The following CNTNAP2 variants were observed in gnomAD, a reference collection of about 807,000 sequenced individuals.
CNTNAP2 encodes the protein contactin-associated protein-like 2.
In CNTNAP2, 98 loss-of-function variants were observed where a neutral mutation model predicts 155.2. The observed-to-expected ratio is 0.63, with a 90% CI of 0.54 to 0.75. CNTNAP2 has a LOEUF of 0.75. Ranked by LOEUF, CNTNAP2 falls within the 30% of genes least tolerant of loss-of-function variation. The pLI, the probability that CNTNAP2 is intolerant of heterozygous loss-of-function variation, is 0.00. For synonymous variants in CNTNAP2, 651 were observed against 631.2 expected (o/e 1.03, Z -0.47); for missense variants, 1,727 against 1,688.1 (o/e 1.02, Z -0.40).
chr7:147,940,804 C>T (rs2116814589), intron 14 of CNTNAP2, among the ~76,000 whole-genome samples: 1 of 152,294 alleles, frequency 6.6e-6, no homozygotes, highest in East Asian at 1.9e-4. Flanking sequence ...ACCAAAAGTG[C>T]TGGAATTACA....
At chr7:147,328,982 G>A (rs760271023) in intron 9 of CNTNAP2, among the ~76,000 whole-genome samples, 40 of 152,126 alleles carry the variant, frequency 2.6e-4, no homozygotes, top group Non-Finnish European at 4.4e-4. Flanking sequence ...CACAGACCAA[G>A]AGGAAAGGTG....
intron 9 of CNTNAP2, among the ~76,000 whole-genome samples, chr7:147,319,825 T>G (rs1254764627): frequency 6.6e-6 from 1 of 152,186 alleles, no homozygotes; most frequent in Non-Finnish European, 1.5e-5. Flanking sequence ...CGATTTAAAC[T>G]GGATGAAGGG....
intron 1 of CNTNAP2, among the ~76,000 whole-genome samples, chr7:146,151,686 A>G (rs1231457899): frequency 2.4e-4 from 13 of 54,668 alleles, no homozygotes; most frequent in South Asian, 5.2e-4. Context: ...ATATATGTAT[A>G]TATATATATA....
At chr7:147,682,275 C>CTAATTAGAATATGCAAA (rs1795957259) in intron 13 of CNTNAP2, among the ~76,000 whole-genome samples, 1 of 151,788 alleles carries the variant, frequency 6.6e-6, no homozygotes, top group Non-Finnish European at 1.5e-5. Flanking sequence ...TAATAAACTG[C>CTAATTAGAATATGCAAA]TAATTAGAAT....
At chr7:147,381,441 G>A (rs550745603) in intron 9 of CNTNAP2, among the ~76,000 whole-genome samples, 30 of 152,150 alleles carry the variant, frequency 2.0e-4, no homozygotes, top group Middle Eastern at 3.4e-3. Context: ...TGTATCTGCC[G>A]ATGTTTTAGA....
At chr7:147,608,662 C>A (rs1488561465) in intron 12 of CNTNAP2, among the ~76,000 whole-genome samples, 1 of 152,116 alleles carries the variant, frequency 6.6e-6, no homozygotes, top group Non-Finnish European at 1.5e-5. Flanking sequence ...TGAGAGATAT[C>A]TGTTGGAAAA....
intron 11 of CNTNAP2, among the ~76,000 whole-genome samples, chr7:147,531,472 A>G (rs1459434995): frequency 6.6e-6 from 1 of 152,144 alleles, no homozygotes; most frequent in African/African-American, 2.4e-5. Context: ...CAGGCTCAAC[A>G]CCACATGGAA....
intron 21 of CNTNAP2, among the ~76,000 whole-genome samples, chr7:148,347,483 G>T (rs368015929): frequency 2.6e-5 from 4 of 152,162 alleles, no homozygotes; most frequent in South Asian, 4.2e-4. Flanking sequence ...CCCCCCATCG[G>T]TGTCACCTAA....
At chr7:147,374,339 C>A (rs1340908799) in intron 9 of CNTNAP2, among the ~76,000 whole-genome samples, 1 of 151,770 alleles carries the variant, frequency 6.6e-6, no homozygotes, top group East Asian at 1.9e-4. Flanking sequence ...TCACTGTTAC[C>A]AGTAAAAAGT....
chr7:147,311,052 CAAGGAT>C (rs1354400297), intron 9 of CNTNAP2, among the ~76,000 whole-genome samples: 1 of 152,162 alleles, frequency 6.6e-6, no homozygotes, highest in African/African-American at 2.4e-5. Context: ...GGTCAGGTAT[CAAGGAT>C]GATGAGATAC....
chr7:146,655,131 A>G (rs1292228309), intron 1 of CNTNAP2, among the ~76,000 whole-genome samples: 1 of 152,070 alleles, frequency 6.6e-6, no homozygotes, highest in Non-Finnish European at 1.5e-5. Context: ...TTCTCTGAAT[A>G]TGTCACATTT....
intron 1 of CNTNAP2, among the ~76,000 whole-genome samples, chr7:146,685,134 A>C (rs1563187838): frequency 6.6e-6 from 1 of 152,192 alleles, no homozygotes; most frequent in East Asian, 1.9e-4. Context: ...TAGGGATTAC[A>C]CATCTAGATA....
rs532569128 is a variant in CNTNAP2 at position 147,120,319 on chromosome 7, C to T, written c.755-660C>T. On this transcript the variant is annotated intron_variant, in intron 5 of 23. Coordinates refer to ENST00000361727, the MANE Select transcript of CNTNAP2 (RefSeq NM_014141.6). Reference sequence around the variant, plus strand: ...TGAATCCTCATGCAACCTTACAAAGCAGGTACTATTATCTTCCCTATTGTA... The same window carrying T: ...TGAATCCTCATGCAACCTTACAAAGTAGGTACTATTATCTTCCCTATTGTA... Among the ~76,000 whole-genome samples the T allele has an allele frequency of 3.3e-5, 5 of 152,242 alleles. No homozygotes were observed. The South Asian group carries it at 1.0e-3, about 32-fold the overall frequency.
chr7:148,299,054 G>A (rs946404265), intron 21 of CNTNAP2, among the ~76,000 whole-genome samples: 1 of 150,658 alleles, frequency 6.6e-6, no homozygotes, highest in Non-Finnish European at 1.5e-5. Flanking sequence ...GCAGTGGCAC[G>A]ATCTCAGCTC....
In CNTNAP2 at chr7:146,325,074, AC is replaced by A. The variant is rs1174055803; in HGVS notation, c.97+208102del. ...CTGAGCCTCCTGAGTAGCTGCAACC[AC>A]AGGTGCACACTACTACCAATTTTTT... On this transcript the variant is annotated intron_variant, in intron 1 of 23. Transcript: ENST00000361727. Among the ~76,000 whole-genome samples the A allele has an allele frequency of 8.5e-5, 13 of 152,134 alleles. 1 individual carries two copies. Among genetic ancestry groups the A allele is most frequent in the African/African-American group, 3.1e-4 (13 of 41,488 alleles).
intron 1 of CNTNAP2, among the ~76,000 whole-genome samples, chr7:146,666,393 C>G (rs1261158346): frequency 2.0e-5 from 3 of 152,130 alleles, no homozygotes; most frequent in Admixed American, 6.5e-5. Context: ...TTTATCCATT[C>G]TTCTCTTATT....
rs147926831 is a variant in CNTNAP2 at position 147,108,922 on chromosome 7, G to T, written c.754+572G>T. Among the ~76,000 whole-genome samples the T allele has an allele frequency of 3.3e-5, 5 of 152,126 alleles. No homozygotes were observed. The East Asian group carries it at 9.6e-4, about 29-fold the overall frequency. ...AGAGAACATGGAAGACCAAAAGCAC[G>T]CTCAAGAAGCAGGAAGGATGCCGCC... On this transcript the variant is annotated intron_variant, in intron 5 of 23. Coordinates refer to ENST00000361727, the MANE Select transcript of CNTNAP2 (RefSeq NM_014141.6).
intron 14 of CNTNAP2, among the ~76,000 whole-genome samples, chr7:147,904,931 T>A (rs560791962): frequency 0.035 from 4,965 of 142,098 alleles, 129 homozygotes; most frequent in Non-Finnish European, 0.056. Context: ...ACACACACAC[T>A]GTATACAAAG....
In CNTNAP2 at chr7:147,087,598, G is replaced by A. The variant is rs143575556; in HGVS notation, c.551-20549G>A. Reference sequence around the variant, plus strand: ...CTGTAAAATGGATACTACAGAAACAGCATTTTATTTTCATTCTTGGCAAAA... The same window carrying A: ...CTGTAAAATGGATACTACAGAAACAACATTTTATTTTCATTCTTGGCAAAA... On this transcript the variant is annotated intron_variant, in intron 4 of 23. Transcript: ENST00000361727. Among the ~76,000 whole-genome samples the A allele has an allele frequency of 1.5e-3, 235 of 152,248 alleles. 2 individuals carry two copies. The highest frequency in any genetic ancestry group is 5.4e-3 in the African/African-American group (225 of 41,566).
Sources: allele counts gnomAD v4.1 joint callset (sites outside exome capture counted in the v4.1 genomes callset), GRCh38; gene constraint gnomAD v4.1.1; transcripts MANE v1.5; gene names NCBI Gene and HGNC (gene_info 2026-07-23, HGNC 2026-07-21).